SKA2: variants seen among roughly 807,000 people sequenced by gnomAD.
SKA2 encodes spindle and kinetochore-associated protein 2.
A neutral mutation model predicts 16.9 loss-of-function variants in SKA2; 13 were observed. That is an observed-to-expected ratio of 0.77 (90% CI 0.50 to 1.22). The LOEUF (loss-of-function observed/expected upper bound fraction) is 1.22. Among genes scored for constraint, SKA2 ranks in the 50% most tolerant of loss-of-function variants. The pLI is 0.00. For synonymous variants in SKA2, 47 were observed against 48.5 expected, an observed-to-expected ratio of 0.97 and a Z score of 0.13; for missense variants, 107 against 139.7, an observed-to-expected ratio of 0.77 and a Z score of 1.18.
chr17:59,128,554 A>C (rs2046387120), intron 2 of SKA2, among the ~76,000 whole-genome samples: 1 of 151,774 alleles, frequency 6.6e-6, no homozygotes, highest in Non-Finnish European at 1.5e-5. Flanking sequence ...TGAACTCGGA[A>C]GGCGGAGGTT....
At chr17:59,141,305 G>A (rs2046487228) in intron 1 of SKA2, among the ~76,000 whole-genome samples, 1 of 152,146 alleles carries the variant, frequency 6.6e-6, no homozygotes, top group Admixed American at 6.5e-5. Context: ...GCTGAGGCAG[G>A]AGAATTGCTT....
intron 1 of SKA2, among the ~76,000 whole-genome samples, chr17:59,140,339 C>A (rs986591430): frequency 1.3e-5 from 2 of 152,134 alleles, no homozygotes; most frequent in Non-Finnish European, 2.9e-5. Context: ...AGCGATTCTC[C>A]TGCCTCAGCC....
intron 3 of SKA2, among the ~76,000 whole-genome samples, chr17:59,117,391 A>T (rs1216734271): frequency 1.3e-5 from 2 of 151,714 alleles, no homozygotes; most frequent in Non-Finnish European, 2.9e-5. Context: ...TCTCATTTTT[A>T]TTTTAGTTTA....
chr17:59,153,775 A>T (rs1321397683), intron 1 of SKA2, among the ~76,000 whole-genome samples: 1 of 152,008 alleles, frequency 6.6e-6, no homozygotes, highest in Non-Finnish European at 1.5e-5. Flanking sequence ...CTTTTTTAAA[A>T]CTTAATCTTT....
intron 2 of SKA2, among the ~76,000 whole-genome samples, chr17:59,121,148 T>C (rs2046330543): frequency 8.3e-6 from 1 of 120,864 alleles, no homozygotes; most frequent in Admixed American, 8.4e-5. Flanking sequence ...GGAGACTCCG[T>C]CTCAAAAAAA....
chr17:59,144,126 G>A (rs540615868), intron 1 of SKA2, among the ~76,000 whole-genome samples: 2 of 152,076 alleles, frequency 1.3e-5, no homozygotes, highest in South Asian at 2.1e-4. Context: ...CCCAGAGGCC[G>A]AGGTTGCAGT....
chr17:59,147,366 T>C (rs193248765), intron 1 of SKA2, among the ~76,000 whole-genome samples: 24 of 113,992 alleles, frequency 2.1e-4, no homozygotes, highest in African/African-American at 9.5e-4. Context: ...AGAAAGAAAT[T>C]TTATATATAA....
intron 1 of SKA2, 33 bp downstream of exon 1, chr17:59,155,098 C>G: frequency 6.2e-7 from 1 of 1,613,958 alleles, no homozygotes; most frequent in Non-Finnish European, 8.5e-7. Context: ...GAAAAATAAA[C>G]TACCCAGTAG....
intron 2 of SKA2, 89 bp downstream of exon 2, chr17:59,131,192 G>T: frequency 1.3e-6 from 1 of 793,790 alleles, no homozygotes; most frequent in South Asian, 2.2e-5. Flanking sequence ...TAATTCTTAT[G>T]ATCTATTACT....
chr17:59,136,307 C>T (rs971904546), intron 1 of SKA2, among the ~76,000 whole-genome samples: 1 of 151,854 alleles, frequency 6.6e-6, no homozygotes, highest in East Asian at 1.9e-4. Flanking sequence ...GGATTACAGG[C>T]GCCTGCCACC....
chr17:59,134,793 A>T (rs2046432999), intron 1 of SKA2, among the ~76,000 whole-genome samples: 1 of 152,006 alleles, frequency 6.6e-6, no homozygotes, highest in Non-Finnish European at 1.5e-5. Flanking sequence ...AGTTTGGGGG[A>T]CACAAAACTC....
At chr17:59,128,412 G>A (rs1014799274) in intron 2 of SKA2, among the ~76,000 whole-genome samples, 6 of 151,586 alleles carry the variant, frequency 4.0e-5, no homozygotes, top group African/African-American at 1.2e-4. Context: ...ATCACCTGAC[G>A]TCAGGAGTTC....
At chr17:59,148,846 A>G (rs1471889087) in intron 1 of SKA2, among the ~76,000 whole-genome samples, 1 of 151,254 alleles carries the variant, frequency 6.6e-6, no homozygotes, top group Non-Finnish European at 1.5e-5. Context: ...GAAAATAGGC[A>G]AAAGATTGTG....
At chr17:59,154,016 C>A (rs2046598407) in intron 1 of SKA2, among the ~76,000 whole-genome samples, 1 of 151,452 alleles carries the variant, frequency 6.6e-6, no homozygotes, top group African/African-American at 2.4e-5. Flanking sequence ...TTGATCCGCC[C>A]GCCTCGGCCT....
At chr17:59,124,974 CT>C (rs35130048) in intron 2 of SKA2, among the ~76,000 whole-genome samples, 2,814 of 135,032 alleles carry the variant, frequency 0.021, 61 homozygotes, top group African/African-American at 0.066. Context: ...CCACTACATT[CT>C]TTTTTTTTTT....
chr17:59,125,064 C>T (rs1455125599), intron 2 of SKA2, among the ~76,000 whole-genome samples: 1 of 151,494 alleles, frequency 6.6e-6, no homozygotes, highest in Non-Finnish European at 1.5e-5. Flanking sequence ...ACTTTCGCCT[C>T]CCAGGTTCAA....
intron 1 of SKA2, among the ~76,000 whole-genome samples, chr17:59,154,479 T>C (rs1220566355): frequency 6.6e-6 from 1 of 152,212 alleles, no homozygotes; most frequent in African/African-American, 2.4e-5. Flanking sequence ...GCAGGATGCC[T>C]TTCCTGTCTC....
chr17:59,143,223 TGAGA>T (rs146234990), intron 1 of SKA2, among the ~76,000 whole-genome samples: 2,093 of 151,920 alleles, frequency 0.014, 59 homozygotes, highest in African/African-American at 0.048. Flanking sequence ...CTTTTTTTTT[TGAGA>T]GAGTCTCACT....
rs559503517 is a variant in SKA2 at position 59,117,289 on chromosome 17, A to G, written c.297+2030T>C. ...CACATTTGGATCATAAAAATTTATCAATATAATGGTTTGTTTATTAAGCTA... is the reference window on the plus strand; with the variant it reads ...CACATTTGGATCATAAAAATTTATCGATATAATGGTTTGTTTATTAAGCTA... On this transcript the variant is annotated intron_variant, in intron 3 of 3. Transcript: ENST00000330137. Among the ~76,000 whole-genome samples, 4 of 152,300 alleles carry G rather than the reference A, an allele frequency of 2.6e-5. No individual in the cohort carries two copies. The East Asian group carries it at 5.8e-4, about 22-fold the overall frequency.
Sources: allele counts gnomAD v4.1 joint callset (sites outside exome capture counted in the v4.1 genomes callset), GRCh38; gene constraint gnomAD v4.1.1; transcripts MANE v1.5; gene names NCBI Gene and HGNC (gene_info 2026-07-23, HGNC 2026-07-21).